CUEDC1: variants seen among roughly 807,000 people sequenced by gnomAD.
CUEDC1 encodes CUE domain-containing protein 1.
In CUEDC1, 30 loss-of-function variants were observed where a neutral mutation model predicts 43.7. The ratio of observed to expected loss-of-function variants is 0.69; its 90% CI spans 0.51 to 0.93. The LOEUF (loss-of-function observed/expected upper bound fraction) is 0.93, where lower values mean the gene tolerates loss of function less well. Ranked by LOEUF, CUEDC1 falls within the 40% of genes least tolerant of loss-of-function variation. CUEDC1 has a pLI of 0.00. For synonymous variants in CUEDC1, 223 were observed against 223.6 expected (o/e 1.00, Z 0.02); for missense variants, 486 against 549.0 (o/e 0.89, Z 1.15).
At chr17:57,918,047 T>C (rs2074661924) in intron 1 of CUEDC1, among the ~76,000 whole-genome samples, 2 of 152,126 alleles carry the variant, frequency 1.3e-5, no homozygotes, top group Admixed American at 1.3e-4. Context: ...AGAAGAAACA[T>C]GGGGCGTGCA....
chr17:57,905,520 C>T (rs942216444), intron 1 of CUEDC1, among the ~76,000 whole-genome samples: 6 of 152,186 alleles, frequency 3.9e-5, no homozygotes, highest in East Asian at 1.9e-4. Context: ...CTCCCCAGTG[C>T]GTGCTCAGCT....
intron 6 of CUEDC1, among the ~76,000 whole-genome samples, chr17:57,869,540 T>A (rs972863291): frequency 1.2e-4 from 19 of 152,166 alleles, no homozygotes; most frequent in African/African-American, 4.3e-4. Context: ...AAGCACTACA[T>A]ATCAGGCTCC....
intron 6 of CUEDC1, among the ~76,000 whole-genome samples, chr17:57,870,244 C>T (rs1396803459): frequency 2.0e-5 from 3 of 152,248 alleles, no homozygotes; most frequent in Admixed American, 1.3e-4. Flanking sequence ...ACCAGGTCAT[C>T]GTTCCCAGCT....
chr17:57,887,820 G>A (rs1445095856), intron 1 of CUEDC1, among the ~76,000 whole-genome samples: 1 of 149,160 alleles, frequency 6.7e-6, no homozygotes, highest in African/African-American at 2.5e-5. Context: ...GTTTTTGTGA[G>A]TACATCAACC....
chr17:57,896,492 GT>G (rs1210898160), intron 1 of CUEDC1, among the ~76,000 whole-genome samples: 3 of 98,068 alleles, frequency 3.1e-5, no homozygotes, highest in Non-Finnish European at 5.8e-5. Flanking sequence ...TATGGGGTGT[GT>G]GTGTGTGTGT....
chr17:57,946,765 G>A (rs2074963138), intron 1 of CUEDC1, among the ~76,000 whole-genome samples: 1 of 152,074 alleles, frequency 6.6e-6, no homozygotes, highest in Non-Finnish European at 1.5e-5. Context: ...GTAATTGGGT[G>A]GGGGTTTTGT....
chr17:57,941,018 C>G (rs2143206820), intron 1 of CUEDC1, among the ~76,000 whole-genome samples: 1 of 152,308 alleles, frequency 6.6e-6, no homozygotes, highest in East Asian at 1.9e-4. Context: ...CTTTCACACC[C>G]AAGGCTCTAC....
chr17:57,921,247 G>C (rs1158948045), intron 1 of CUEDC1, among the ~76,000 whole-genome samples: 2 of 107,790 alleles, frequency 1.9e-5, no homozygotes, highest in Non-Finnish European at 3.8e-5. Flanking sequence ...CTATAAAATG[G>C]GGGGAACCCC....
Position 57,896,375 on chromosome 17 carries a change from C to A in CUEDC1, c.-315-10496G>T, listed in dbSNP as rs138262398. ...CCTCCTCTCTCTATATAATGCTATT[C>A]AATAACAAACAAAAATGAGGGATTT... On this transcript the variant is annotated intron_variant, in intron 1 of 10. Transcript: ENST00000577830. 1.2e-3 allele frequency among the ~76,000 whole-genome samples: 184 copies of A among 151,950 alleles called. 2 individuals carry two copies. Among genetic ancestry groups the A allele is most frequent in the African/African-American group, 4.2e-3 (174 of 41,402 alleles).
chr17:57,887,473 G>A (rs8072452), intron 1 of CUEDC1, among the ~76,000 whole-genome samples: 19,846 of 151,086 alleles, frequency 0.13, 1,494 homozygotes, highest in African/African-American at 0.19. Context: ...AGGACTTGGA[G>A]TCACAATCTT....
In CUEDC1 at chr17:57,919,149, G is replaced by A. The variant is rs375375293; in HGVS notation, c.-315-33270C>T. 9.9e-5 allele frequency among the ~76,000 whole-genome samples: 15 copies of A among 151,676 alleles called. No individual in the cohort carries two copies. The East Asian group carries it at 1.8e-3, about 18-fold the overall frequency. On this transcript the variant is annotated intron_variant, in intron 1 of 10. Transcript: ENST00000577830. Reference sequence around the variant, plus strand: ...ATTACAGGTGTGAGCCCCTGCACCCGGGAATATATGTCAATTTTTATGTTT... The same window carrying A: ...ATTACAGGTGTGAGCCCCTGCACCCAGGAATATATGTCAATTTTTATGTTT...
At chr17:57,923,744 G>A (rs17762392) in intron 1 of CUEDC1, among the ~76,000 whole-genome samples, 33,064 of 152,158 alleles carry the variant, frequency 0.22, 4,274 homozygotes, top group Non-Finnish European at 0.3. Context: ...CTGGCTTTGA[G>A]GTTGGTGCAT....
intron 1 of CUEDC1, among the ~76,000 whole-genome samples, chr17:57,950,087 G>C (rs778534300): frequency 1.3e-5 from 2 of 152,206 alleles, no homozygotes; most frequent in Admixed American, 6.5e-5. Flanking sequence ...CGACCCCTCT[G>C]TGAGTGCTGC....
intron 10 of CUEDC1, among the ~76,000 whole-genome samples, chr17:57,864,022 G>GAAAAAA (rs1182771652): frequency 1.4e-5 from 2 of 143,372 alleles, no homozygotes; most frequent in African/African-American, 2.5e-5. Context: ...AAAAAAGAAA[G>GAAAAAA]AAAAGAAAAA....
Position 57,898,875 on chromosome 17 carries a change from G to C in CUEDC1, c.-315-12996C>G, listed in dbSNP as rs1006514196. Among the ~76,000 whole-genome samples, 14 of 152,210 alleles carry C rather than the reference G, an allele frequency of 9.2e-5. No individual in the cohort carries two copies. The East Asian group carries it at 2.7e-3, about 29-fold the overall frequency. On this transcript the variant is annotated intron_variant, in intron 1 of 10. Transcript: ENST00000577830. ...TGCCCATACCCTGCCCTCCAGCTAA[G>C]CTTCCAAGGGTAGGAGAAGTGATTG...
chr17:57,904,101 T>C (rs1359438267), intron 1 of CUEDC1, among the ~76,000 whole-genome samples: 1 of 152,100 alleles, frequency 6.6e-6, no homozygotes, highest in Non-Finnish European at 1.5e-5. Context: ...GCCCTGCGTC[T>C]GGGAGAGATG....
intron 5 of CUEDC1, 140 bp from the exon 6 acceptor site, chr17:57,871,509 T>C (rs1421184364): frequency 6.3e-6 from 4 of 639,424 alleles, no homozygotes; most frequent in Non-Finnish European, 1.1e-5. Flanking sequence ...AAAATATGAG[T>C]GCACACATCT....
At chr17:57,883,841 C>T (rs1334275338) in intron 2 of CUEDC1, among the ~76,000 whole-genome samples, 1 of 152,194 alleles carries the variant, frequency 6.6e-6, no homozygotes, top group Non-Finnish European at 1.5e-5. Flanking sequence ...GGGTCCTGGT[C>T]TTGTCCATGG....
At chr17:57,870,311 T>G (rs979806764) in intron 6 of CUEDC1, among the ~76,000 whole-genome samples, 1 of 152,186 alleles carries the variant, frequency 6.6e-6, no homozygotes, top group Non-Finnish European at 1.5e-5. Context: ...CTCACCCCTA[T>G]CCAACCCTCT....
Sources: gnomAD v4.1 joint callset for allele counts (sites outside exome capture counted in the v4.1 genomes callset) on GRCh38, gnomAD v4.1.1 for gene constraint, MANE v1.5 for transcripts, NCBI Gene and HGNC (gene_info 2026-07-23, HGNC 2026-07-21) for gene names.